Variants in CAMTA1 observed in about 807,000 individuals in gnomAD.
The protein encoded by CAMTA1 is calmodulin binding transcription activator 1.
A neutral mutation model predicts 170.9 loss-of-function variants in CAMTA1; 27 were observed. The ratio of observed to expected loss-of-function variants is 0.16; its 90% CI spans 0.12 to 0.22. The LOEUF is 0.22. Among genes scored for constraint, CAMTA1 ranks in the 10% least tolerant of loss-of-function variants. CAMTA1 has a pLI of 1.00. For synonymous variants in CAMTA1, 833 were observed against 891.5 expected (o/e 0.93, Z 1.17); for missense variants, 1,619 against 2,217.2 (o/e 0.73, Z 5.42).
chr1:7,078,048 T>C (rs1162202457), intron 3 of CAMTA1, among the ~76,000 whole-genome samples: 2 of 152,206 alleles, frequency 1.3e-5, no homozygotes, highest in African/African-American at 2.4e-5. Context: ...TATTTAGCCA[T>C]GGATTCAGAA....
chr1:6,851,830 A>G (rs564989556), intron 3 of CAMTA1, among the ~76,000 whole-genome samples: 19 of 152,154 alleles, frequency 1.2e-4, no homozygotes, highest in African/African-American at 4.1e-4. Context: ...CCTGGCTGAC[A>G]TGGTGAAACC....
intron 1 of CAMTA1, among the ~76,000 whole-genome samples, chr1:6,789,836 A>G (rs1640539976): frequency 8.1e-6 from 1 of 124,100 alleles, no homozygotes; most frequent in African/African-American, 3.2e-5. Context: ...TTTGAGACAG[A>G]GTCTCACTCT....
At chr1:6,817,250 C>T (rs1645937415) in intron 1 of CAMTA1, among the ~76,000 whole-genome samples, 1 of 152,178 alleles carries the variant, frequency 6.6e-6, no homozygotes, top group African/African-American at 2.4e-5. Context: ...TAAGATATCT[C>T]AAATGGTAAT....
At chr1:7,260,892 A>G (rs1465090241) in intron 5 of CAMTA1, among the ~76,000 whole-genome samples, 2 of 152,230 alleles carry the variant, frequency 1.3e-5, no homozygotes, top group Non-Finnish European at 2.9e-5. Context: ...CAAAAGTGTA[A>G]GAAATGTTGA....
intron 4 of CAMTA1, among the ~76,000 whole-genome samples, chr1:7,202,079 G>A (rs887212391): frequency 2.6e-5 from 4 of 152,174 alleles, no homozygotes; most frequent in African/African-American, 7.2e-5. Flanking sequence ...TGTGAGATAA[G>A]GATTCAATTT....
intron 3 of CAMTA1, among the ~76,000 whole-genome samples, chr1:6,919,279 G>T (rs1318914768): frequency 2.0e-5 from 3 of 152,170 alleles, no homozygotes; most frequent in Non-Finnish European, 4.4e-5. Context: ...CAGCCCTGCT[G>T]GGCCTGGCTG....
chr1:7,272,790 C>T (rs998903978), intron 5 of CAMTA1, among the ~76,000 whole-genome samples: 3 of 150,158 alleles, frequency 2.0e-5, no homozygotes, highest in Non-Finnish European at 4.4e-5. Context: ...GATTATAGAC[C>T]TAAATGTTAA....
chr1:7,556,923 T>C (rs919608319), intron 6 of CAMTA1, among the ~76,000 whole-genome samples: 4 of 152,102 alleles, frequency 2.6e-5, no homozygotes, highest in Non-Finnish European at 4.4e-5. Context: ...ATAGAAGAGT[T>C]TCTCAAATCT....
At chr1:6,822,809 CACACACACACACACACAA>C (rs1376284770) in intron 2 of CAMTA1, among the ~76,000 whole-genome samples, 185 of 151,846 alleles carry the variant, frequency 1.2e-3, no homozygotes, top group African/African-American at 4.3e-3. Flanking sequence ...CACACACACA[CACACACACACACACACAA>C]ACACACACAC....
chr1:7,664,219 A>T lies in CAMTA1; in HGVS notation c.1672A>T (p.Ser558Cys), dbSNP rs758158982. 6.2e-7 allele frequency: 1 copy of T among 1,612,640 alleles called. No homozygotes were observed. The highest frequency in any genetic ancestry group is 1.1e-5 in the South Asian group (1 of 91,080). The change falls in exon 9 of 23, where the codon AGC becomes TGC. Residue 558 changes from serine (S) to cysteine (C), a missense_variant. Physicochemically the swap from Ser to Cys is moderately radical, Grantham distance 112. Transcript: ENST00000303635. ...YSSSAAAVAA[S>C]SLTLTAGSSL... ...CTCCTCCGCGGCGGCTGTGGCAGCCAGCTCCCTCACCCTGACCGCCGGCTC... is the reference window on the plus strand; with the variant it reads ...CTCCTCCGCGGCGGCTGTGGCAGCCTGCTCCCTCACCCTGACCGCCGGCTC...
intron 5 of CAMTA1, among the ~76,000 whole-genome samples, chr1:7,318,721 G>A (rs1032720206): frequency 1.3e-5 from 2 of 152,190 alleles, no homozygotes; most frequent in African/African-American, 4.8e-5. Flanking sequence ...GCAATCAGAC[G>A]AGATTTTCCT....
intron 3 of CAMTA1, among the ~76,000 whole-genome samples, chr1:6,846,602 T>C (rs754283930): frequency 2.0e-5 from 3 of 152,252 alleles, no homozygotes; most frequent in Non-Finnish European, 4.4e-5. Context: ...TTTTGTCAAC[T>C]TTTTAACTAA....
chr1:6,903,772 T>C (rs996296946), intron 3 of CAMTA1, among the ~76,000 whole-genome samples: 2 of 152,322 alleles, frequency 1.3e-5, no homozygotes, highest in Admixed American at 6.5e-5. Context: ...TTCCAGAAAC[T>C]AATGTAGCTG....
chr1:7,452,970 A>G (rs79894966), intron 5 of CAMTA1, among the ~76,000 whole-genome samples: 13,877 of 152,148 alleles, frequency 0.091, 726 homozygotes, highest in Non-Finnish European at 0.12. Context: ...AGGTTCTTGA[A>G]TCGGCTTCCA....
At chr1:6,817,638 CT>C (rs1333034255) in intron 1 of CAMTA1, among the ~76,000 whole-genome samples, 2 of 152,148 alleles carry the variant, frequency 1.3e-5, no homozygotes, top group Non-Finnish European at 2.9e-5. Flanking sequence ...TAGTTAACTA[CT>C]TTTTTTGTTT....
chr1:7,260,914 T>C (rs1668068355), intron 5 of CAMTA1, among the ~76,000 whole-genome samples: 1 of 152,206 alleles, frequency 6.6e-6, no homozygotes, highest in Admixed American at 6.5e-5. Context: ...TCTTCATGAA[T>C]TGATTACTTA....
intron 3 of CAMTA1, among the ~76,000 whole-genome samples, chr1:6,850,006 A>G (rs1040904769): frequency 2.6e-5 from 4 of 151,074 alleles, no homozygotes; most frequent in Non-Finnish European, 4.4e-5. Flanking sequence ...CTGCAATCCA[A>G]CCTGGGCGAC....
At position 7,647,285 on chromosome 1, in the gene CAMTA1, G is replaced by C. The variant is rs558500561; in HGVS notation, c.664+6732G>C. ...AAAGACCAAAGATCCAGAAGGGGGG[G>C]GGGCTGTGTTTATTTGTTTTGTTTT... On this transcript the variant is annotated intron_variant, in intron 7 of 22. Coordinates refer to ENST00000303635, the MANE Select transcript of CAMTA1 (RefSeq NM_015215.4). 2.0e-3 allele frequency among the ~76,000 whole-genome samples: 302 copies of C among 151,940 alleles called. 3 individuals carry two copies. The highest frequency in any genetic ancestry group is 6.6e-3 in the African/African-American group (272 of 41,450).
At chr1:7,359,293 G>A (rs1331586472) in intron 5 of CAMTA1, among the ~76,000 whole-genome samples, 1 of 152,144 alleles carries the variant, frequency 6.6e-6, no homozygotes, top group East Asian at 1.9e-4. Context: ...TGCTGAGTGG[G>A]TCCTAGGCTT....
Sources: allele counts gnomAD v4.1 joint callset (sites outside exome capture counted in the v4.1 genomes callset), GRCh38; gene constraint gnomAD v4.1.1; transcripts MANE v1.5; gene names NCBI Gene and HGNC (gene_info 2026-07-23, HGNC 2026-07-21).